CFAP299: variants seen among roughly 807,000 people sequenced by gnomAD.
The protein encoded by CFAP299 is cilia- and flagella-associated protein 299.
Under a neutral mutation model 27.0 loss-of-function variants are expected in CFAP299, and 21 were observed. The observed-to-expected ratio is 0.78, with a 90% CI of 0.55 to 1.12. CFAP299 has a LOEUF of 1.12. Ranked by LOEUF, CFAP299 falls within the 50% of genes most tolerant of loss-of-function variation. The pLI is 0.00. For missense variants in CFAP299, 310 were observed against 276.6 expected (o/e 1.12, Z -0.86); for synonymous variants, 104 against 98.1 (o/e 1.06, Z -0.36).
chr4:80,497,158 T>G (rs1378014163), intron 2 of CFAP299, among the ~76,000 whole-genome samples: 1 of 152,118 alleles, frequency 6.6e-6, no homozygotes, highest in Non-Finnish European at 1.5e-5. Flanking sequence ...TAATCCTAAC[T>G]ACTGGGGTGG....
At chr4:80,940,893 C>T (rs1025736917) in intron 4 of CFAP299, among the ~76,000 whole-genome samples, 1 of 152,072 alleles carries the variant, frequency 6.6e-6, no homozygotes, top group Non-Finnish European at 1.5e-5. Context: ...TATAAGCACA[C>T]AGATAGGTAC....
intron 2 of CFAP299, among the ~76,000 whole-genome samples, chr4:80,391,297 A>G (rs1384459983): frequency 1.3e-5 from 2 of 152,146 alleles, no homozygotes; most frequent in East Asian, 1.9e-4. Flanking sequence ...TCTTCATAGT[A>G]TTTTGCATAA....
intron 3 of CFAP299, chr4:80,608,226 T>C (rs2903671): frequency 0.71 from 457,527 of 643,140 alleles, 171,362 homozygotes; most frequent in Non-Finnish European, 0.79. Flanking sequence ...AATAGATAAC[T>C]GATTCCAACA....
chr4:80,609,490 T>C (rs1430078810), intron 3 of CFAP299, among the ~76,000 whole-genome samples: 2 of 152,058 alleles, frequency 1.3e-5, no homozygotes, highest in Non-Finnish European at 2.9e-5. Flanking sequence ...TAAAGGTTAT[T>C]TAGATATGTC....
chr4:80,660,921 A>G (rs183249449), intron 3 of CFAP299, among the ~76,000 whole-genome samples: 8 of 152,294 alleles, frequency 5.3e-5, no homozygotes, highest in Admixed American at 4.6e-4. Context: ...GAATGTTAGT[A>G]GGTCAGATAC....
At chr4:80,746,123 A>G (rs974347273) in intron 3 of CFAP299, among the ~76,000 whole-genome samples, 8 of 152,012 alleles carry the variant, frequency 5.3e-5, no homozygotes, top group Non-Finnish European at 1.2e-4. Flanking sequence ...AAAGAGACCT[A>G]TATTTGAGTC....
At chr4:80,454,936 C>CACTA (rs1729075952) in intron 2 of CFAP299, among the ~76,000 whole-genome samples, 1 of 152,120 alleles carries the variant, frequency 6.6e-6, no homozygotes, top group Non-Finnish European at 1.5e-5. Flanking sequence ...AAGCCTCTTG[C>CACTA]ACTAAGTCAG....
At chr4:80,894,409 G>C (rs557498782) in intron 4 of CFAP299, among the ~76,000 whole-genome samples, 1 of 151,994 alleles carries the variant, frequency 6.6e-6, no homozygotes, top group Non-Finnish European at 1.5e-5. Context: ...CTAATAATTT[G>C]TGTGTTTATT....
chr4:80,933,160 C>T (rs376315544), intron 4 of CFAP299, among the ~76,000 whole-genome samples: 2 of 147,566 alleles, frequency 1.4e-5, no homozygotes, highest in East Asian at 2.1e-4. Context: ...TTCTTTCTTT[C>T]CTTTCCTTTC....
chr4:80,865,927 G>A, intron 3 of CFAP299, among the ~76,000 whole-genome samples: 1 of 101,460 alleles, frequency 9.9e-6, no homozygotes, highest in Non-Finnish European at 2.0e-5. Flanking sequence ...TGTGGGGTGG[G>A]GGGAGGGGGG....
intron 4 of CFAP299, among the ~76,000 whole-genome samples, chr4:80,930,456 T>C (rs1437796018): frequency 6.6e-6 from 1 of 152,192 alleles, no homozygotes. Context: ...AATCTTGTGA[T>C]TGACATCTGA....
chr4:80,608,349 C>T, intron 3 of CFAP299: 2 of 1,531,154 alleles, frequency 1.3e-6, no homozygotes, highest in Non-Finnish European at 8.8e-7. Flanking sequence ...CAACAGGAGA[C>T]TGATGCTGCT....
chr4:80,623,734 C>A (rs990644434), intron 3 of CFAP299, among the ~76,000 whole-genome samples: 2 of 152,166 alleles, frequency 1.3e-5, no homozygotes, highest in Non-Finnish European at 1.5e-5. Flanking sequence ...GACCCCAATA[C>A]TGACACCAAC....
At chr4:80,581,588 G>A (rs561572167) in intron 2 of CFAP299, among the ~76,000 whole-genome samples, 22 of 150,358 alleles carry the variant, frequency 1.5e-4, no homozygotes, top group Non-Finnish European at 2.7e-4. Context: ...ACAGTAGGTT[G>A]CAATGATTTA....
At position 80,390,954 on chromosome 4, in the gene CFAP299, T is replaced by TAA. The variant is rs1725437395; in HGVS notation, c.242+28070_242+28071insAA. Among the ~76,000 whole-genome samples, 2 of 31,030 alleles carry TAA rather than the reference T, an allele frequency of 6.4e-5. 1 individual carries two copies. The highest frequency in any genetic ancestry group is 2.6e-3 in the East Asian group (2 of 758). The allele number at this position is 31,030 out of a possible 152,430, so 20.4% of individuals were successfully genotyped here. A position where few individuals can be genotyped will look rare whatever the true frequency, so the allele number is the denominator to read the frequency against. On this transcript the variant is annotated intron_variant, in intron 2 of 5. Transcript: ENST00000358105. ...ATATGTATATATGTATGTACACACA[T>TAA]GTATATATGTATATATGTATGTACA...
chr4:80,642,398 T>G (rs571957438), intron 3 of CFAP299, among the ~76,000 whole-genome samples: 62 of 152,324 alleles, frequency 4.1e-4, no homozygotes, highest in African/African-American at 1.4e-3. Context: ...ATTTAGGCAT[T>G]TCACAAATTA....
intron 4 of CFAP299, among the ~76,000 whole-genome samples, chr4:80,909,323 C>T (rs1221138051): frequency 6.6e-6 from 1 of 151,858 alleles, no homozygotes; most frequent in South Asian, 2.1e-4. Context: ...AGATCTTTTA[C>T]AAGACTTAAG....
intron 3 of CFAP299, chr4:80,608,503 G>A (rs1737795338): frequency 1.8e-6 from 1 of 552,280 alleles, no homozygotes; most frequent in Non-Finnish European, 3.2e-6. Flanking sequence ...TCACCAGCTT[G>A]ATGAATGACA....
chr4:80,822,489 C>T (rs545441409), intron 3 of CFAP299, among the ~76,000 whole-genome samples: 1 of 152,166 alleles, frequency 6.6e-6, no homozygotes, highest in South Asian at 2.1e-4. Flanking sequence ...CTTTAAGGAG[C>T]CTGCTCAGTA....
Sources: allele counts gnomAD v4.1 joint callset (sites outside exome capture counted in the v4.1 genomes callset), GRCh38; gene constraint gnomAD v4.1.1; transcripts MANE v1.5; gene names NCBI Gene and HGNC (gene_info 2026-07-23, HGNC 2026-07-21).